Variants in TRPV1 observed in about 807,000 individuals in gnomAD.
TRPV1 encodes OTRPC1.
In TRPV1, 82 loss-of-function variants were observed where a neutral mutation model predicts 82.3. The ratio of observed to expected loss-of-function variants is 1.00; its 90% confidence interval spans 0.83 to 1.20. The LOEUF is 1.20. Ranked by LOEUF, TRPV1 falls within the 50% of genes most tolerant of loss-of-function variation. TRPV1 has a pLI of 0.00. For synonymous variants in TRPV1, 515 were observed against 467.7 expected, an observed-to-expected ratio of 1.10 and a Z score of -1.30; for missense variants, 1,067 against 1,096.8, an observed-to-expected ratio of 0.97 and a Z score of 0.38.
intron 9 of TRPV1, among the ~76,000 whole-genome samples, chr17:3,583,869 G>A (rs2075051151): frequency 6.6e-6 from 1 of 152,328 alleles, no homozygotes; most frequent in South Asian, 2.1e-4. Context: ...ACACACACTT[G>A]TGGGTGTCAC....
intron 2 of TRPV1, among the ~76,000 whole-genome samples, chr17:3,599,785 C>T (rs1357783346): frequency 1.3e-5 from 2 of 152,088 alleles, no homozygotes; most frequent in Non-Finnish European, 2.9e-5. Context: ...CATGCCACCA[C>T]ACCCAACTAA....
Position 3,566,826 on chromosome 17 carries a change from C to T in TRPV1, c.2509G>A (p.Gly837Arg), listed in dbSNP as rs201622414. Residue 837 changes from glycine (G) to arginine (R), a missense_variant, in exon 17 of 17, where the codon GGG becomes AGG. Transcript: ENST00000572705. ...TCTGCGTGACGTCCTCACTTCTCCC[C>T]GGAAGCGGCAGGACTCTTGAAGACC... ...AEVFKSPAAS[G>R]EK 4.4e-5 allele frequency: 71 copies of T among 1,613,628 alleles called. No homozygotes were observed. Among genetic ancestry groups the T allele is most frequent in the South Asian group, 1.2e-4 (11 of 91,064 alleles).
intron 2 of TRPV1, among the ~76,000 whole-genome samples, chr17:3,597,650 A>G (rs2150856152): frequency 6.7e-6 from 1 of 148,952 alleles, no homozygotes. Flanking sequence ...CACAAAACAC[A>G]GATAACTATC....
At position 3,566,465 on chromosome 17, in the gene TRPV1, G is replaced by C. The variant is rs2074764498; in HGVS notation, c.*350C>G. 1 of 163,034 alleles carries C rather than the reference G, an allele frequency of 6.1e-6. No homozygotes were observed. The highest frequency in any genetic ancestry group is 1.3e-5 in the Non-Finnish European group (1 of 75,490). 10.1% of individuals were successfully genotyped at this position (163,034 alleles called of 1,614,324 possible). A position where few individuals can be genotyped will look rare whatever the true frequency, so the allele number is the denominator to read the frequency against. ...GCCAAAATTGTGCCACTGCATTCCA[G>C]CCTGGGTGAGAAGAGTGAAATTCTG... On this transcript the variant is annotated 3_prime_UTR_variant, in exon 17 of 17. Coordinates refer to ENST00000572705, the MANE Select transcript of TRPV1 (RefSeq NM_080704.4).
chr17:3,583,269 G>C, intron 10 of TRPV1, 69 bp downstream of exon 10: 1 of 1,331,140 alleles, frequency 7.5e-7, no homozygotes, highest in East Asian at 2.5e-5. Flanking sequence ...GTGAGTGAGC[G>C]CTGAGGGATC....
chr17:3,576,955 C>T (rs1305277788), intron 13 of TRPV1, among the ~76,000 whole-genome samples, 171 bp downstream of exon 13: 4 of 151,782 alleles, frequency 2.6e-5, no homozygotes, highest in African/African-American at 4.8e-5. Flanking sequence ...TTATATAACA[C>T]GTGGCCAAGT....
chr17:3,571,374 G>A, intron 16 of TRPV1, 150 bp downstream of exon 16: 2 of 611,500 alleles, frequency 3.3e-6, no homozygotes, highest in Middle Eastern at 4.4e-4. Flanking sequence ...CCGTGACTAT[G>A]TGCTCATGGC....
chr17:3,585,838 T>G lies in TRPV1; in HGVS notation c.1313A>C (p.Asn438Thr), dbSNP rs537774139. 1.9e-6 allele frequency: 3 copies of G among 1,613,852 alleles called. No individual in the cohort carries two copies. The highest frequency in any genetic ancestry group is 2.2e-5 in the South Asian group (2 of 91,064). The change falls in exon 9 of 17, where the codon AAC becomes ACC. Residue 438 changes from asparagine (N) to threonine (T), a missense_variant. Transcript: ENST00000572705. ...CATGTACAGGCAGTAGACCAGGAAG[T>G]TGAAGTAGAAGATGCGCTTGACGAA... ...DRFVKRIFYFNFLVYCLYMII... is the reference protein window; with the variant it reads ...DRFVKRIFYFTFLVYCLYMII...
rs1215710999 is a variant in TRPV1 at position 3,590,007 on chromosome 17, C to T, written c.844G>A (p.Asp282Asn). 1 of 1,562,900 alleles carries T rather than the reference C, an allele frequency of 6.4e-7. No individual in the cohort carries two copies. Among genetic ancestry groups the T allele is most frequent in the East Asian group, 2.4e-5 (1 of 41,492 alleles). ...SWQTADISAR[D>N]SVGNTVLHAL... ...TGCAGCACCGTGTTGCCCACCGAGT[C>T]CCTGGCGCTGATGTCGGCCGTCTGC... Residue 282 changes from aspartate to asparagine, a missense_variant, in exon 7 of 17, where the codon GAC (aspartate) becomes AAC (asparagine). Coordinates refer to ENST00000572705, the MANE Select transcript of TRPV1 (RefSeq NM_080704.4).
At chr17:3,585,228 A>G (rs983877385) in intron 9 of TRPV1, 1 of 152,654 alleles carries the variant, frequency 6.6e-6, no homozygotes, top group Non-Finnish European at 1.5e-5. Context: ...TCAGCTCATC[A>G]CAACCTCTGC....
chr17:3,575,234 G>A (rs1007658246), intron 13 of TRPV1, among the ~76,000 whole-genome samples: 2 of 152,134 alleles, frequency 1.3e-5, no homozygotes, highest in Non-Finnish European at 2.9e-5. Context: ...TGTAATCCCA[G>A]CACTTCGGGA....
intron 13 of TRPV1, among the ~76,000 whole-genome samples, chr17:3,575,198 C>G (rs993755786): frequency 6.6e-6 from 1 of 151,940 alleles, no homozygotes; most frequent in Non-Finnish European, 1.5e-5. Context: ...AGAAGATCAT[C>G]TTCTCTGGGT....
chr17:3,604,108 A>T (rs1423549268), intron 2 of TRPV1, among the ~76,000 whole-genome samples: 2 of 152,234 alleles, frequency 1.3e-5, no homozygotes, highest in Non-Finnish European at 2.9e-5. Flanking sequence ...TTGTAATCAG[A>T]TGGCGTATGT....
At chr17:3,569,917 A>AGGG (rs1433419058) in intron 16 of TRPV1, among the ~76,000 whole-genome samples, 6 of 147,618 alleles carry the variant, frequency 4.1e-5, no homozygotes, top group South Asian at 2.2e-4. Flanking sequence ...CCAGGGGCCA[A>AGGG]GTGGTCAGGG....
At chr17:3,576,394 T>C (rs1423710750) in intron 13 of TRPV1, among the ~76,000 whole-genome samples, 1 of 152,038 alleles carries the variant, frequency 6.6e-6, no homozygotes, top group Non-Finnish European at 1.5e-5. Context: ...GGCTCATGCC[T>C]GTAATCCCAG....
In TRPV1 at chr17:3,584,563, G is replaced by A. The variant is rs149722035; in HGVS notation, c.1384-1133C>T. ...TGTAATCCAAGCACTTTGGGAGGCC[G>A]AGGCAGGCGATCACTTGAGGTCAGG... On this transcript the variant is annotated intron_variant, in intron 9 of 16. Coordinates refer to ENST00000572705, the MANE Select transcript of TRPV1 (RefSeq NM_080704.4). 1.2e-3 allele frequency among the ~76,000 whole-genome samples: 177 copies of A among 152,234 alleles called. 4 individuals are homozygous for A. The East Asian group carries it at 0.026, about 23-fold the overall frequency.
chr17:3,576,668 A>AATATATATATATATATAT (rs1555549458), intron 13 of TRPV1, among the ~76,000 whole-genome samples: 1 of 38,420 alleles, frequency 2.6e-5, no homozygotes, highest in African/African-American at 7.3e-5. Context: ...AAAAAAAAAA[A>AATATATATATATATATAT]ATATATATAT....
chr17:3,579,290 G>A (rs1486988548), intron 11 of TRPV1, among the ~76,000 whole-genome samples: 5 of 152,010 alleles, frequency 3.3e-5, no homozygotes, highest in Non-Finnish European at 7.4e-5. Context: ...TTTGTGAGTC[G>A]TACGGACAAG....
chr17:3,593,538 G>A lies in TRPV1; in HGVS notation c.-33-1155C>T, dbSNP rs927410677. Among the ~76,000 whole-genome samples, 3 of 151,980 alleles carry A rather than the reference G, an allele frequency of 2.0e-5. No homozygotes were observed. The East Asian group carries it at 5.8e-4, about 29-fold the overall frequency. On this transcript the variant is annotated intron_variant, in intron 2 of 16. Transcript: ENST00000572705. ...CCCTCCCATAGCCTCTATTCCCATC[G>A]GGTCTCCACCTAAGGGCTTTTTCCT...
Sources: gnomAD v4.1 joint callset for allele counts (sites outside exome capture counted in the v4.1 genomes callset) on GRCh38, gnomAD v4.1.1 for gene constraint, MANE v1.5 for transcripts, NCBI Gene and HGNC (gene_info 2026-07-23, HGNC 2026-07-21) for gene names.